The following PAK5 variants were observed in gnomAD, a reference collection of about 807,000 sequenced individuals.
PAK5 encodes serine/threonine-protein kinase PAK 5.
Under a neutral mutation model 65.9 loss-of-function variants are expected in PAK5, and 16 were observed. The ratio of observed to expected loss-of-function variants is 0.24; its 90% CI spans 0.16 to 0.37. PAK5 has a LOEUF of 0.37. PAK5 is among the 10% of genes least tolerant of loss of function. The pLI, the probability that PAK5 is intolerant of heterozygous loss-of-function variation, is 1.00. For synonymous variants in PAK5, 371 were observed against 354.9 expected (o/e 1.05, Z -0.51); for missense variants, 785 against 903.9 (o/e 0.87, Z 1.69).
At chr20:9,656,507 T>G (rs1307945652) in intron 2 of PAK5, among the ~76,000 whole-genome samples, 1 of 152,190 alleles carries the variant, frequency 6.6e-6, no homozygotes, top group Non-Finnish European at 1.5e-5. Context: ...ACAAAAATAT[T>G]AAGTAACTAC....
At chr20:9,822,319 T>A (rs1192795891) in intron 1 of PAK5, among the ~76,000 whole-genome samples, 1 of 151,028 alleles carries the variant, frequency 6.6e-6, no homozygotes, top group Non-Finnish European at 1.5e-5. Flanking sequence ...GCAATTACAT[T>A]ACATTACACA....
At chr20:9,789,727 A>T (rs1319105606) in intron 1 of PAK5, among the ~76,000 whole-genome samples, 1 of 152,100 alleles carries the variant, frequency 6.6e-6, no homozygotes, top group Non-Finnish European at 1.5e-5. Context: ...GGGCAGACAA[A>T]CTGTCTCCTG....
At position 9,658,827 on chromosome 20, in the gene PAK5, A is replaced by C. The variant is rs192518866; in HGVS notation, c.-11-14488T>G. On this transcript the variant is annotated intron_variant, in intron 2 of 9. Coordinates refer to ENST00000353224, the MANE Select transcript of PAK5 (RefSeq NM_177990.4). ...AAAAAATATTTTTAAAGATGAGCAC[A>C]ATTGGCTCTCACAAGCTCATGTGAG... is the stretch of plus-strand genomic sequence containing the variant. Among the ~76,000 whole-genome samples the C allele has an allele frequency of 7.9e-4, 120 of 152,302 alleles. 1 individual carries two copies. The highest frequency in any genetic ancestry group is 2.7e-3 in the African/African-American group (114 of 41,570).
At chr20:9,579,045 C>G (rs971028163) in intron 4 of PAK5, among the ~76,000 whole-genome samples, 3 of 152,210 alleles carry the variant, frequency 2.0e-5, no homozygotes, top group Non-Finnish European at 2.9e-5. Context: ...TTCTCTTCAA[C>G]ATCTTGGATG....
intron 1 of PAK5, among the ~76,000 whole-genome samples, chr20:9,792,466 C>T (rs2049059850): frequency 6.6e-6 from 1 of 152,140 alleles, no homozygotes; most frequent in African/African-American, 2.4e-5. Flanking sequence ...AGGAATTATA[C>T]TCCCCAGTCC....
rs141746297 is a variant in PAK5, at chr20:9,713,291, G to T, written c.-161-1856C>A. 5.3e-3 allele frequency among the ~76,000 whole-genome samples: 801 copies of T among 152,074 alleles called. 4 individuals are homozygous for T. The highest frequency in any genetic ancestry group is 0.018 in the African/African-American group (756 of 41,498). On this transcript the variant is annotated intron_variant, in intron 1 of 9. Transcript: ENST00000353224. Reference sequence around the variant, plus strand: ...CAACATCACTAATCATCAGGGAAATGCAAATCAAAACCACAATGAGATATT... The same window carrying T: ...CAACATCACTAATCATCAGGGAAATTCAAATCAAAACCACAATGAGATATT...
At chr20:9,546,272 C>T (rs1164057731) in intron 7 of PAK5, among the ~76,000 whole-genome samples, 2 of 152,154 alleles carry the variant, frequency 1.3e-5, no homozygotes, top group Admixed American at 6.6e-5. Context: ...ATCTCTCTAT[C>T]CATCCATCTA....
chr20:9,648,989 C>T (rs1315592426), intron 2 of PAK5, among the ~76,000 whole-genome samples: 3 of 152,130 alleles, frequency 2.0e-5, no homozygotes, highest in Non-Finnish European at 4.4e-5. Flanking sequence ...CCATGTAAAC[C>T]AAGGGCACAG....
At chr20:9,715,175 CA>C (rs1490865757) in intron 1 of PAK5, among the ~76,000 whole-genome samples, 1 of 152,106 alleles carries the variant, frequency 6.6e-6, no homozygotes, top group African/African-American at 2.4e-5. Context: ...CCACAATCTA[CA>C]AAGAACTCAA....
chr20:9,557,338 A>T (rs775925504), intron 7 of PAK5, among the ~76,000 whole-genome samples: 1 of 152,212 alleles, frequency 6.6e-6, no homozygotes, highest in Admixed American at 6.5e-5. Context: ...GATGTGGCAG[A>T]AAAGGAAAAG....
chr20:9,649,646 A>G (rs2047178279), intron 2 of PAK5, among the ~76,000 whole-genome samples: 1 of 152,220 alleles, frequency 6.6e-6, no homozygotes, highest in Non-Finnish European at 1.5e-5. Flanking sequence ...GGTCTCTACG[A>G]ACAGGCATAG....
intron 1 of PAK5, among the ~76,000 whole-genome samples, chr20:9,746,037 T>TA (rs1484176670): frequency 6.6e-6 from 1 of 152,172 alleles, no homozygotes; most frequent in African/African-American, 2.4e-5. Flanking sequence ...CCAATGTTAA[T>TA]AAAAAATGTT....
chr20:9,766,308 A>AATATATATATATTCTACTTGAAT (rs2048759246), intron 1 of PAK5, among the ~76,000 whole-genome samples: 3 of 142,950 alleles, frequency 2.1e-5, no homozygotes, highest in African/African-American at 7.6e-5. Flanking sequence ...ATTCTACTTG[A>AATATATATATATTCTACTTGAAT]ATATATATAT....
chr20:9,656,441 G>T (rs1474633060), intron 2 of PAK5, among the ~76,000 whole-genome samples: 1 of 152,098 alleles, frequency 6.6e-6, no homozygotes, highest in Non-Finnish European at 1.5e-5. Context: ...GGGCAGAGTG[G>T]AAGAGAGAGG....
intron 1 of PAK5, among the ~76,000 whole-genome samples, chr20:9,766,179 G>A (rs139077348): frequency 0.024 from 3,623 of 148,726 alleles, 136 homozygotes; most frequent in African/African-American, 0.085. Context: ...CTGAGATTGC[G>A]CCACTATACT....
intron 4 of PAK5, among the ~76,000 whole-genome samples, chr20:9,576,442 C>T (rs528790346): frequency 6.6e-6 from 1 of 151,998 alleles, no homozygotes; most frequent in Non-Finnish European, 1.5e-5. Context: ...ATGCTATGGA[C>T]GTCTAGAGGG....
rs188771631 is a variant in PAK5 at position 9,588,985 on chromosome 20, G to A, written c.205-8055C>T. Among the ~76,000 whole-genome samples, 91 of 152,166 alleles carry A rather than the reference G, an allele frequency of 6.0e-4. 2 individuals are homozygous for A. The highest frequency in any genetic ancestry group is 1.8e-3 in the African/African-American group (76 of 41,504). Reference sequence around the variant, plus strand: ...AAACAGCTGTCTCCCCTTGTTCCCCGAAAAGAGATGAAAAAGTGCCTCTGC... The same window carrying A: ...AAACAGCTGTCTCCCCTTGTTCCCCAAAAAGAGATGAAAAAGTGCCTCTGC... On this transcript the variant is annotated intron_variant, in intron 3 of 9. Transcript: ENST00000353224.
chr20:9,617,439 A>G (rs2068745767), intron 3 of PAK5, among the ~76,000 whole-genome samples: 1 of 151,932 alleles, frequency 6.6e-6, no homozygotes, highest in Admixed American at 6.6e-5. Flanking sequence ...ATGTAATGAC[A>G]TTGGAAACAG....
intron 1 of PAK5, among the ~76,000 whole-genome samples, chr20:9,777,761 C>T (rs1443813296): frequency 2.6e-5 from 4 of 152,144 alleles, no homozygotes; most frequent in Non-Finnish European, 5.9e-5. Context: ...CTAGCATGGG[C>T]TATGCCAGGG....
Sources: gnomAD v4.1 joint callset for allele counts (sites outside exome capture counted in the v4.1 genomes callset) on GRCh38, gnomAD v4.1.1 for gene constraint, MANE v1.5 for transcripts, NCBI Gene and HGNC (gene_info 2026-07-23, HGNC 2026-07-21) for gene names.